The following MYPN variants were observed in gnomAD, a reference collection of about 807,000 sequenced individuals.
The protein encoded by MYPN is sarcomeric protein myopalladin, 145 kDa (MYOP).
In MYPN, 63 loss-of-function variants were observed where a neutral mutation model predicts 129.4. The ratio of observed to expected loss-of-function variants is 0.49; its 90% CI spans 0.40 to 0.60. The LOEUF (loss-of-function observed/expected upper bound fraction) is 0.60. Ranked by LOEUF, MYPN falls within the 20% of genes least tolerant of loss-of-function variation. The probability of loss-of-function intolerance (pLI) is 0.00; values close to 1 mark genes in which losing one functional copy is unlikely to be tolerated. For synonymous variants in MYPN, 629 were observed against 600.9 expected, an observed-to-expected ratio of 1.05 and a Z score of -0.68; for missense variants, 1,596 against 1,635.4, an observed-to-expected ratio of 0.98 and a Z score of 0.42.
At chr10:68,120,303 G>A (rs138893496) in intron 1 of MYPN, among the ~76,000 whole-genome samples, 2 of 152,030 alleles carry the variant, frequency 1.3e-5, no homozygotes, top group African/African-American at 4.8e-5. Context: ...TACAAAATTG[G>A]CTTGCATTAT....
intron 2 of MYPN, among the ~76,000 whole-genome samples, chr10:68,133,719 C>G (rs1191400505): frequency 6.6e-6 from 1 of 151,836 alleles, no homozygotes; most frequent in African/African-American, 2.4e-5. Flanking sequence ...TTCAGAGCAG[C>G]TGTGTAGGTC....
chr10:68,119,539 T>G (rs758775459), intron 1 of MYPN, among the ~76,000 whole-genome samples: 1 of 151,906 alleles, frequency 6.6e-6, no homozygotes, highest in Non-Finnish European at 1.5e-5. Context: ...GCCTCCTGAG[T>G]AGCTGGAATT....
At chr10:68,185,025 C>T (rs1238493086) in intron 12 of MYPN, among the ~76,000 whole-genome samples, 1 of 152,080 alleles carries the variant, frequency 6.6e-6, no homozygotes, top group African/African-American at 2.4e-5. Context: ...ACTGGGACTT[C>T]CGGCCGGGCG....
chr10:68,203,720 C>CAGAGAGAGAGAGAGAGAGAGAGAGAG (rs371058853), intron 18 of MYPN, among the ~76,000 whole-genome samples: 5 of 115,660 alleles, frequency 4.3e-5, no homozygotes, highest in Non-Finnish European at 8.2e-5. Context: ...CATACACACA[C>CAGAGAGAGAGAGAGAGAGAGAGAGAG]AGAGAGAGAG....
At chr10:68,095,133 C>G (rs537061963) in intron 1 of MYPN, among the ~76,000 whole-genome samples, 1 of 152,118 alleles carries the variant, frequency 6.6e-6, no homozygotes, top group Admixed American at 6.6e-5. Flanking sequence ...TGCTTGAGCT[C>G]AGGAGTTCCA....
intron 15 of MYPN, among the ~76,000 whole-genome samples, chr10:68,196,512 C>A: frequency 1.5e-5 from 1 of 67,990 alleles, no homozygotes; most frequent in East Asian, 3.2e-4. Context: ...AGATGGGGGT[C>A]TCACTCTGTC....
intron 7 of MYPN, among the ~76,000 whole-genome samples, chr10:68,159,872 A>G (rs951187778): frequency 6.6e-6 from 1 of 152,194 alleles, no homozygotes; most frequent in Admixed American, 6.5e-5. Flanking sequence ...AAATTTTACA[A>G]GTTACCATGT....
Position 68,121,704 on chromosome 10 carries a change from A to G in MYPN, c.266A>G (p.Glu89Gly), listed in dbSNP as rs1288647382. The change falls in exon 2 of 20, where the codon GAG becomes GGG. Residue 89 changes from glutamate (E) to glycine (G), a missense_variant. By Grantham distance (98) the Glu-to-Gly change is moderately conservative. Coordinates refer to ENST00000358913, the MANE Select transcript of MYPN (RefSeq NM_032578.4). ...CTGGCCATCAATTACGACCCTTTGG[A>G]GAAGGCAGATGAAACTCAAGCTAGA... ...ARLAINYDPL[E>G]KADETQARKR... 3 of 1,614,230 alleles carry G rather than the reference A, an allele frequency of 1.9e-6. No homozygotes were observed. The highest frequency in any genetic ancestry group is 3.3e-5 in the Admixed American group (2 of 60,034).
chr10:68,110,316 A>G (rs1180171895), intron 1 of MYPN, among the ~76,000 whole-genome samples: 1 of 152,050 alleles, frequency 6.6e-6, no homozygotes, highest in Non-Finnish European at 1.5e-5. Context: ...TCAGAAAGAC[A>G]CTTGACAGTC....
In MYPN at chr10:68,195,465, T is replaced by C. The variant is rs2134281687; in HGVS notation, c.3091T>C (p.Ser1031Pro). The change falls in exon 15 of 20, where the codon TCT becomes CCT. Residue 1031 changes from serine to proline, a missense_variant. Transcript: ENST00000358913. The stretch of plus-strand genomic sequence containing the variant: ...TGTTTGTCAGGGGAGAATCAGCTGT[T>C]CTGGCCACTTGATGGTACAAAGTTT... ...AANPQGRISCSGHLMVQSLPI... is the reference protein window; with the variant it reads ...AANPQGRISCPGHLMVQSLPI... 6.2e-7 allele frequency: 1 copy of C among 1,614,056 alleles called. No individual in the cohort carries two copies. Among genetic ancestry groups the C allele is most frequent in the Non-Finnish European group, 8.5e-7 (1 of 1,179,928 alleles).
At chr10:68,182,284 T>C (rs551725888) in intron 12 of MYPN, among the ~76,000 whole-genome samples, 31,331 of 100,540 alleles carry the variant, frequency 0.31, 6,859 homozygotes, top group East Asian at 0.79. Flanking sequence ...ATAACACACA[T>C]ATATATATAA....
intron 12 of MYPN, among the ~76,000 whole-genome samples, chr10:68,188,283 T>C (rs1273233805): frequency 2.6e-5 from 4 of 152,122 alleles, no homozygotes; most frequent in Admixed American, 2.6e-4. Flanking sequence ...CTAATTTTTG[T>C]ATTTTTAGTA....
At chr10:68,146,104 A>G (rs1012432781) in intron 4 of MYPN, among the ~76,000 whole-genome samples, 1 of 151,248 alleles carries the variant, frequency 6.6e-6, no homozygotes, top group East Asian at 1.9e-4. Flanking sequence ...AATCAAACAC[A>G]AAACAAACAG....
At chr10:68,157,359 G>C (rs1293370811) in intron 6 of MYPN, among the ~76,000 whole-genome samples, 1 of 152,078 alleles carries the variant, frequency 6.6e-6, no homozygotes, top group Non-Finnish European at 1.5e-5. Context: ...TGTAAACAAG[G>C]CAAAGCTAGG....
intron 8 of MYPN, among the ~76,000 whole-genome samples, chr10:68,164,020 A>C (rs2134160258): frequency 6.6e-6 from 1 of 152,272 alleles, no homozygotes; most frequent in South Asian, 2.1e-4. Flanking sequence ...AGAACATATG[A>C]CCAATCCAAG....
rs759400657 is a variant in MYPN, at chr10:68,121,559, C to T, written c.121C>T (p.Pro41Ser). ...ERSRAEPSSN[P>S]CHFGSPSGAA... The stretch of plus-strand genomic sequence containing the variant: ...GAGTCGAGCGGAGCCCTCCTCCAAC[C>T]CTTGCCATTTCGGCAGTCCTTCTGG... The change falls in exon 2 of 20, where the codon CCT (proline) becomes TCT (serine). Residue 41 changes from proline to serine, a missense_variant. Pro to Ser is a moderately conservative substitution (Grantham distance 74). Transcript: ENST00000358913. 1.9e-6 allele frequency: 3 copies of T among 1,614,092 alleles called. No individual in the cohort carries two copies. Among genetic ancestry groups the T allele is most frequent in the Non-Finnish European group, 2.5e-6 (3 of 1,180,042 alleles).
At chr10:68,159,575 C>A (rs1024589404) in intron 7 of MYPN, among the ~76,000 whole-genome samples, 1 of 152,138 alleles carries the variant, frequency 6.6e-6, no homozygotes, top group South Asian at 2.1e-4. Context: ...CTTTTCTTAT[C>A]GCACAATGCT....
At chr10:68,209,671 C>CTTT (rs35392300) in intron 19 of MYPN, among the ~76,000 whole-genome samples, 55 of 131,194 alleles carry the variant, frequency 4.2e-4, no homozygotes, top group Non-Finnish European at 5.4e-4. Flanking sequence ...GAATTCTTTT[C>CTTT]TTTTTTTTTT....
intron 16 of MYPN, among the ~76,000 whole-genome samples, chr10:68,198,992 C>T (rs12780285): frequency 0.42 from 61,449 of 145,968 alleles, 13,444 homozygotes; most frequent in Non-Finnish European, 0.51. Flanking sequence ...TTCTTGTTTT[C>T]GTTTTTTTTT....
Sources: allele counts gnomAD v4.1 joint callset (sites outside exome capture counted in the v4.1 genomes callset), GRCh38; gene constraint gnomAD v4.1.1; transcripts MANE v1.5; gene names NCBI Gene and HGNC (gene_info 2026-07-23, HGNC 2026-07-21).